ZFAT: variants seen among roughly 807,000 people sequenced by gnomAD.
The protein encoded by ZFAT is zinc finger protein ZFAT.
Under a neutral mutation model 117.7 loss-of-function variants are expected in ZFAT, and 64 were observed. The ratio of observed to expected loss-of-function variants is 0.54; its 90% CI spans 0.44 to 0.67. The LOEUF (loss-of-function observed/expected upper bound fraction) is 0.67. Ranked by LOEUF, ZFAT falls within the 30% of genes least tolerant of loss-of-function variation. The probability of loss-of-function intolerance (pLI) is 0.00; values close to 1 mark genes in which losing one functional copy is unlikely to be tolerated. For missense variants in ZFAT, 1,433 were observed against 1,584.5 expected (o/e 0.90, Z 1.62); for synonymous variants, 679 against 615.0 (o/e 1.10, Z -1.54).
the ZFAT span, among the ~76,000 whole-genome samples, chr8:134,821,183 G>A: frequency 2.0e-5 from 3 of 152,132 alleles, no homozygotes; most frequent in South Asian, 6.2e-4. Context: ...AAGTTTTATA[G>A]TAATGCAATA....
intron 1 of ZFAT, among the ~76,000 whole-genome samples, chr8:134,685,801 C>A (rs7822630): frequency 0.03 from 4,506 of 152,290 alleles, 220 homozygotes; most frequent in African/African-American, 0.1. Context: ...TCTGACTAGG[C>A]CATAATTTTA....
At chr8:134,492,626 G>A (rs76489472) in intron 15 of ZFAT, among the ~76,000 whole-genome samples, 4,657 of 152,208 alleles carry the variant, frequency 0.031, 230 homozygotes, top group African/African-American at 0.11. Context: ...CTCAAAAGGG[G>A]GACTGGCAGG....
rs757364628 is a variant in ZFAT at position 134,478,572 on chromosome 8, G to A, written c.3642C>T (p.Gly1214=). ...AGACGATGAACTCCGAGGCCTCCCC[G>A]CCCTGCGTGTAGACAGTCACCGTCT... is the stretch of plus-strand genomic sequence containing the variant. ...GIETVTVYTQ[G]GEASEFIVYV... Residue 1214 remains glycine (G), a synonymous_variant, in exon 16 of 16, where the codon GGC becomes GGT. Transcript: ENST00000377838. This position sits in a 1 kb window ranked among gnomAD's most constrained non-coding sequence, Gnocchi z 5.2. The A allele has an allele frequency of 1.1e-5, 18 of 1,593,928 alleles. No individual in the cohort carries two copies. The highest frequency in any genetic ancestry group is 4.6e-5 in the East Asian group (2 of 43,588).
intron 12 of ZFAT, among the ~76,000 whole-genome samples, chr8:134,525,917 C>T (rs1820993569): frequency 6.6e-6 from 1 of 152,224 alleles, no homozygotes; most frequent in African/African-American, 2.4e-5. Flanking sequence ...AAATGAGCTT[C>T]TTTCTTGCCC....
the ZFAT span, chr8:134,784,855 T>C: frequency 1.3e-5 from 2 of 152,180 alleles, no homozygotes; most frequent in Non-Finnish European, 2.9e-5. Context: ...TTTTTCCCTC[T>C]CTAAATCTAA....
At chr8:134,767,904 T>C in the ZFAT span, among the ~76,000 whole-genome samples, 11 of 152,224 alleles carry the variant, frequency 7.2e-5, no homozygotes, top group Non-Finnish European at 1.5e-4. Context: ...CATCATCTTC[T>C]ACAAAATTGA....
chr8:134,633,117 A>T (rs956890945), intron 3 of ZFAT, among the ~76,000 whole-genome samples: 2 of 149,832 alleles, frequency 1.3e-5, no homozygotes, highest in Non-Finnish European at 3.0e-5. Flanking sequence ...AATGCAAAAG[A>T]AAAAAAAAAG....
At chr8:134,807,887 T>C in the ZFAT span, among the ~76,000 whole-genome samples, 1 of 152,062 alleles carries the variant, frequency 6.6e-6, no homozygotes, top group Non-Finnish European at 1.5e-5. Context: ...ACTTGAAAAA[T>C]TTATAAAATA....
At chr8:134,727,594 G>T in the ZFAT span, among the ~76,000 whole-genome samples, 1 of 152,102 alleles carries the variant, frequency 6.6e-6, no homozygotes, top group African/African-American at 2.4e-5. Flanking sequence ...TATTTTACAC[G>T]TCAAGCCAGT....
intron 2 of ZFAT, among the ~76,000 whole-genome samples, chr8:134,644,447 C>G (rs1830758800): frequency 6.6e-6 from 1 of 152,162 alleles, no homozygotes; most frequent in South Asian, 2.1e-4. Context: ...CTCACACACA[C>G]ATGCTCATAC....
In ZFAT at chr8:134,650,528, C is replaced by T. The variant is rs149991780; in HGVS notation, c.196+7033G>A. Among the ~76,000 whole-genome samples, 268 of 152,302 alleles carry T rather than the reference C, an allele frequency of 1.8e-3. 2 individuals carry two copies. The highest frequency in any genetic ancestry group is 2.6e-3 in the Non-Finnish European group (178 of 68,010). On this transcript the variant is annotated intron_variant, in intron 2 of 15. Transcript: ENST00000377838. ...AATGCAATCTTTATCAAAAATCCAACTGTCTTTTTTGAAGAAATAGACAAG... is the reference window on the plus strand; with the variant it reads ...AATGCAATCTTTATCAAAAATCCAATTGTCTTTTTTGAAGAAATAGACAAG...
the ZFAT span, among the ~76,000 whole-genome samples, chr8:134,790,075 AG>A: frequency 4.6e-5 from 7 of 152,244 alleles, no homozygotes; most frequent in African/African-American, 1.7e-4. Context: ...ACTAAATGGT[AG>A]AAATTTTTAT....
chr8:134,646,480 C>T (rs1830905263), intron 2 of ZFAT, among the ~76,000 whole-genome samples: 1 of 151,512 alleles, frequency 6.6e-6, no homozygotes, highest in Non-Finnish European at 1.5e-5. Context: ...AAATAAACAA[C>T]ATAATTTTAC....
chr8:134,509,582 A>G (rs1052672441), intron 15 of ZFAT, 37 bp downstream of exon 15: 1 of 1,611,876 alleles, frequency 6.2e-7, no homozygotes, highest in Non-Finnish European at 8.5e-7. Context: ...ACTGTGAGAC[A>G]CACAGAGATG....
intron 11 of ZFAT, among the ~76,000 whole-genome samples, chr8:134,537,203 T>A (rs758089784): frequency 1.4e-4 from 22 of 152,216 alleles, no homozygotes; most frequent in Non-Finnish European, 2.8e-4. Context: ...TTTTTACAGG[T>A]AAGGAAACTG....
At chr8:134,661,712 A>G (rs1214675007) in intron 1 of ZFAT, among the ~76,000 whole-genome samples, 1 of 152,232 alleles carries the variant, frequency 6.6e-6, no homozygotes, top group Non-Finnish European at 1.5e-5. Context: ...AGTCAGGCCA[A>G]GCAGGCATGA....
the ZFAT span, among the ~76,000 whole-genome samples, chr8:134,822,452 C>A: frequency 6.6e-6 from 1 of 152,220 alleles, no homozygotes; most frequent in Non-Finnish European, 1.5e-5. Flanking sequence ...AGCTTTATAT[C>A]CCAGCCCCTC....
chr8:134,546,053 A>G (rs1228063585), intron 11 of ZFAT, among the ~76,000 whole-genome samples: 1 of 152,236 alleles, frequency 6.6e-6, no homozygotes, highest in Non-Finnish European at 1.5e-5. Context: ...AGTTATTACT[A>G]ACATTAATAA....
the ZFAT span, among the ~76,000 whole-genome samples, chr8:134,806,983 A>G: frequency 1.3e-5 from 2 of 152,212 alleles, no homozygotes; most frequent in African/African-American, 4.8e-5. Flanking sequence ...CAAAAACATT[A>G]CATATTTGCG....
Sources: gnomAD v4.1 joint callset for allele counts (sites outside exome capture counted in the v4.1 genomes callset) on GRCh38, gnomAD v4.1.1 for gene constraint, Gnocchi (gnomAD v3.1) non-coding constraint, MANE v1.5 for transcripts, NCBI Gene and HGNC (gene_info 2026-07-23, HGNC 2026-07-21) for gene names.